Variants in ACSS2 observed in about 807,000 individuals in gnomAD.
ACSS2 encodes acyl-CoA synthetase short chain family member 2, also known as acetyl-coenzyme A synthetase, cytoplasmic.
A neutral mutation model predicts 90.6 loss-of-function variants in ACSS2; 58 were observed. The observed-to-expected ratio is 0.64, with a 90% CI of 0.52 to 0.80. The LOEUF is 0.80. Among genes scored for constraint, ACSS2 ranks in the 30% least tolerant of loss-of-function variants. The probability of loss-of-function intolerance (pLI) is 0.00; values close to 1 mark genes in which losing one functional copy is unlikely to be tolerated. For missense variants in ACSS2, 759 were observed against 912.0 expected (o/e 0.83, Z 2.16); for synonymous variants, 300 against 330.9 (o/e 0.91, Z 1.01).
At chr20:34,893,528 A>G (rs1278065400) in intron 2 of ACSS2, 1 of 147,692 alleles carries the variant, frequency 6.8e-6, no homozygotes, top group Admixed American at 6.7e-5. Context: ...ACACACCACC[A>G]TGCCCAGCTA....
At position 34,921,097 on chromosome 20, in the gene ACSS2, C is replaced by T. The variant is rs756784566; in HGVS notation, c.1235C>T (p.Ala412Val). ...ACCAAGTTCTACACAGCACCCACAG[C>T]CATCCGTCTGCTCATGAAGTTTGGA... ...KVTKFYTAPTAIRLLMKFGDE... is the reference protein window; with the variant it reads ...KVTKFYTAPTVIRLLMKFGDE... Residue 412 changes from alanine (A) to valine (V), a missense_variant, in exon 10 of 18, where the codon GCC (alanine) becomes GTC (valine). By Grantham distance (64) the Ala-to-Val change is moderately conservative. Transcript: ENST00000360596. 2.5e-6 allele frequency: 4 copies of T among 1,614,192 alleles called. No homozygotes were observed. The Admixed American group carries it at 6.7e-5, about 27-fold the overall frequency.
chr20:34,913,301 A>T, intron 3 of ACSS2, 92 bp from the exon 4 acceptor site: 2 of 1,543,080 alleles, frequency 1.3e-6, no homozygotes, highest in Non-Finnish European at 1.8e-6. Context: ...GAGGAAGAGA[A>T]CAGGTCAGCT....
chr20:34,908,439 C>A lies in ACSS2; in HGVS notation c.375-4657C>A, dbSNP rs899836667. On this transcript the variant is annotated intron_variant, in intron 2 of 17. Coordinates refer to ENST00000360596, the MANE Select transcript of ACSS2 (RefSeq NM_018677.4). ...TGCTCCTTTTCCCCAGAATACTCTT[C>A]CCAAGAATTAGTATGATTGCCTACC... Among the ~76,000 whole-genome samples, 38 of 152,266 alleles carry A rather than the reference C, an allele frequency of 2.5e-4. 1 individual carries two copies. Among genetic ancestry groups the A allele is most frequent in the Admixed American group, 4.6e-4 (7 of 15,282 alleles).
chr20:34,895,318 C>A (rs2080436846), intron 2 of ACSS2, among the ~76,000 whole-genome samples: 1 of 152,124 alleles, frequency 6.6e-6, no homozygotes, highest in Non-Finnish European at 1.5e-5. Context: ...TAGAAGACAT[C>A]TACCATACAA....
At chr20:34,888,240 G>T (rs1280505364) in intron 2 of ACSS2, among the ~76,000 whole-genome samples, 1 of 152,080 alleles carries the variant, frequency 6.6e-6, no homozygotes, top group African/African-American at 2.4e-5. Flanking sequence ...TCCTATTTTT[G>T]CCACTAATTA....
At chr20:34,878,928 G>T (rs1329561990) in intron 1 of ACSS2, among the ~76,000 whole-genome samples, 2 of 131,728 alleles carry the variant, frequency 1.5e-5, no homozygotes, top group Non-Finnish European at 3.2e-5. Flanking sequence ...TTTTTGAGAC[G>T]GAGTCTCGCT....
chr20:34,899,423 TTTCC>T (rs71196768), intron 2 of ACSS2, among the ~76,000 whole-genome samples: 1,202 of 113,032 alleles, frequency 0.011, 15 homozygotes, highest in East Asian at 0.012. Context: ...TCTTTCTTTC[TTTCC>T]TTCCTTCCTT....
intron 2 of ACSS2, among the ~76,000 whole-genome samples, chr20:34,898,946 C>T (rs2080548933): frequency 6.6e-6 from 1 of 152,222 alleles, no homozygotes; most frequent in South Asian, 2.1e-4. Flanking sequence ...GAGCCCTGCC[C>T]CGCGGGAAGG....
In ACSS2 at chr20:34,920,942, T is replaced by A. The variant is rs201917217; in HGVS notation, c.1144-64T>A. 3,025 of 1,602,748 alleles carry A rather than the reference T, an allele frequency of 1.9e-3. 3 individuals are homozygous for A. Among genetic ancestry groups the A allele is most frequent in the Non-Finnish European group, 2.3e-3 (2,700 of 1,173,018 alleles). On this transcript the variant is annotated intron_variant, in intron 9 of 17. Transcript: ENST00000360596. ...GGGCAAAATACTGAACCTGAGGGAA[T>A]GGTAGGGGGATGAATAGAAGGACTA...
At chr20:34,907,682 G>T (rs1480955277) in intron 2 of ACSS2, among the ~76,000 whole-genome samples, 1 of 152,232 alleles carries the variant, frequency 6.6e-6, no homozygotes, top group Non-Finnish European at 1.5e-5. Context: ...GTATGTATAT[G>T]TTGGCATTCA....
intron 14 of ACSS2, among the ~76,000 whole-genome samples, chr20:34,924,594 C>T (rs1471704354): frequency 6.6e-6 from 1 of 152,086 alleles, no homozygotes; most frequent in Non-Finnish European, 1.5e-5. Flanking sequence ...TATTACATGA[C>T]GTTGGAGACG....
rs2081184331 is a variant in ACSS2 at position 34,921,014 on chromosome 20, G to T, written c.1152G>T (p.Gly384=). The T allele has an allele frequency of 1.4e-5, 23 of 1,614,036 alleles. No individual in the cohort carries two copies. The highest frequency in any genetic ancestry group is 1.9e-5 in the Non-Finnish European group (22 of 1,180,018). The change falls in exon 10 of 18, where the codon GGG becomes GGT. Residue 384 remains glycine, a synonymous_variant. Coordinates refer to ENST00000360596, the MANE Select transcript of ACSS2 (RefSeq NM_018677.4). ...ANGATSVLFE[G]IPTYPDVNRL... is the part of the protein sequence containing the mutation. ...CAGCCTTCATGGGTCAGTTTGAGGG[G>T]ATTCCCACATATCCGGACGTGAACC...
At chr20:34,879,995 G>A (rs1284503622) in intron 1 of ACSS2, among the ~76,000 whole-genome samples, 1 of 152,136 alleles carries the variant, frequency 6.6e-6, no homozygotes, top group Non-Finnish European at 1.5e-5. Context: ...GATTAGTCCA[G>A]TCCCTGATAC....
intron 2 of ACSS2, among the ~76,000 whole-genome samples, chr20:34,891,415 T>C (rs1382884588): frequency 1.3e-5 from 2 of 152,218 alleles, no homozygotes; most frequent in Non-Finnish European, 2.9e-5. Context: ...GTAGTGACTC[T>C]GTGGTGACTC....
At chr20:34,876,524 C>A, upstream of ACSS2, 1 of 1,187,212 alleles carries the variant, frequency 8.4e-7, no homozygotes, top group Non-Finnish European at 1.1e-6. Flanking sequence ...CAGACTAAGC[C>A]ACTCCCCCAC....
rs759144830 is a variant in ACSS2, at chr20:34,909,194, C to CAA, written c.375-3880_375-3879dup. On this transcript the variant is annotated intron_variant, in intron 2 of 17. Transcript: ENST00000360596. ...GCAACATAGTAGGATCCTGTCTTTG[C>CAA]AAAAAAAAAAAAAAAAAAAAAAAGG... Among the ~76,000 whole-genome samples the CAA allele has an allele frequency of 3.9e-3, 172 of 44,668 alleles. 1 individual carries two copies. The highest frequency in any genetic ancestry group is 4.1e-3 in the African/African-American group (49 of 11,816). 29.3% of individuals were successfully genotyped at this position (44,668 alleles called of 152,430 possible). A position where few individuals can be genotyped will look rare whatever the true frequency, so the allele number is the denominator to read the frequency against.
Position 34,876,806 on chromosome 20 carries a change from C to A in ACSS2, c.161C>A (p.Ser54Tyr). The change falls in exon 1 of 18, where the codon TCC (serine) becomes TAC (tyrosine). Residue 54 changes from serine to tyrosine, a missense_variant. Ser to Tyr is a moderately radical substitution (Grantham distance 144). Transcript: ENST00000360596. ...CGCTACCGCGAGCTGCACCGGCGCTCCGTGGAGGAGCCGCGGGGTGAGGCC... is the reference window on the plus strand; with the variant it reads ...CGCTACCGCGAGCTGCACCGGCGCTACGTGGAGGAGCCGCGGGGTGAGGCC... ...LQRYRELHRR[S>Y]VEEPREFWGD... is the part of the protein sequence containing the mutation. The A allele has an allele frequency of 7.6e-7, 1 of 1,316,284 alleles. No individual in the cohort carries two copies. The highest frequency in any genetic ancestry group is 2.1e-5 in the South Asian group (1 of 46,610). 81.5% of individuals were successfully genotyped at this position (1,316,284 alleles called of 1,614,324 possible). A position where few individuals can be genotyped will look rare whatever the true frequency, so the allele number is the denominator to read the frequency against.
At chr20:34,883,075 T>C (rs1303582879) in intron 2 of ACSS2, 86 bp downstream of exon 2, 1 of 1,019,152 alleles carries the variant, frequency 9.8e-7, no homozygotes, top group Non-Finnish European at 1.4e-6. Flanking sequence ...CAAAGTGTCA[T>C]CAACTTAATG....
chr20:34,910,060 C>T (rs1298899197), intron 2 of ACSS2, among the ~76,000 whole-genome samples: 3 of 144,460 alleles, frequency 2.1e-5, no homozygotes, highest in Non-Finnish European at 4.5e-5. Flanking sequence ...TCACTCTTGT[C>T]GCCTAGGCTG....
Sources: allele counts gnomAD v4.1 joint callset (sites outside exome capture counted in the v4.1 genomes callset), GRCh38; gene constraint gnomAD v4.1.1; transcripts MANE v1.5; gene names NCBI Gene and HGNC (gene_info 2026-07-23, HGNC 2026-07-21).